Variants in CDKAL1 observed in about 807,000 individuals in gnomAD.
The protein encoded by CDKAL1 is CDKAL1 threonylcarbamoyladenosine tRNA methylthiotransferase.
In CDKAL1, 32 loss-of-function variants were observed where a neutral mutation model predicts 68.2. The observed-to-expected ratio is 0.47, with a 90% CI of 0.35 to 0.63. CDKAL1 has a LOEUF of 0.63. CDKAL1 is among the 30% of genes least tolerant of loss of function. The probability of loss-of-function intolerance (pLI) is 0.00; values close to 1 mark genes in which losing one functional copy is unlikely to be tolerated. For synonymous variants in CDKAL1, 234 were observed against 244.3 expected, an observed-to-expected ratio of 0.96 and a Z score of 0.39; for missense variants, 606 against 696.7, an observed-to-expected ratio of 0.87 and a Z score of 1.47.
At chr6:21,004,814 T>C (rs1482976898) in intron 11 of CDKAL1, among the ~76,000 whole-genome samples, 1 of 151,962 alleles carries the variant, frequency 6.6e-6, no homozygotes, top group Non-Finnish European at 1.5e-5. Flanking sequence ...ATAAAAAAAC[T>C]AGCTGAGCAT....
intron 5 of CDKAL1, among the ~76,000 whole-genome samples, chr6:20,736,477 T>A (rs544231980): frequency 6.6e-6 from 1 of 152,270 alleles, no homozygotes; most frequent in East Asian, 1.9e-4. Flanking sequence ...ATCATCTTTT[T>A]AAAAATCTTC....
At chr6:20,729,164 G>A (rs1164543599) in intron 5 of CDKAL1, among the ~76,000 whole-genome samples, 1 of 152,102 alleles carries the variant, frequency 6.6e-6, no homozygotes, top group Non-Finnish European at 1.5e-5. Flanking sequence ...CTAATGTTGG[G>A]GAACTCTTTG....
chr6:20,881,541 A>G (rs907874196), intron 9 of CDKAL1, among the ~76,000 whole-genome samples: 7 of 152,198 alleles, frequency 4.6e-5, no homozygotes, highest in African/African-American at 1.4e-4. Flanking sequence ...ACTTGGCTAT[A>G]TTTAACTAGG....
chr6:21,045,657 G>A (rs1369306378), intron 11 of CDKAL1, among the ~76,000 whole-genome samples: 1 of 152,178 alleles, frequency 6.6e-6, no homozygotes, highest in Non-Finnish European at 1.5e-5. Flanking sequence ...CATAAGTAAA[G>A]CACTAGGAGT....
At chr6:20,680,964 A>T (rs1770348366) in intron 5 of CDKAL1, among the ~76,000 whole-genome samples, 1 of 152,172 alleles carries the variant, frequency 6.6e-6, no homozygotes, top group African/African-American at 2.4e-5. Context: ...GGAAAATAAC[A>T]CTTATTGGCA....
chr6:20,946,984 T>C (rs1764269984), intron 9 of CDKAL1, among the ~76,000 whole-genome samples: 1 of 152,226 alleles, frequency 6.6e-6, no homozygotes, highest in Non-Finnish European at 1.5e-5. Flanking sequence ...CTTAGTTTAT[T>C]GTCTGTTTCA....
chr6:20,550,914 T>C (rs930586026), intron 4 of CDKAL1, among the ~76,000 whole-genome samples: 1 of 140,134 alleles, frequency 7.1e-6, no homozygotes, highest in Non-Finnish European at 1.5e-5. Context: ...TCTCCCAGGC[T>C]GGAGTGCAGT....
intron 9 of CDKAL1, 92 bp downstream of exon 9, chr6:20,846,270 T>C (rs1581690176): frequency 1.4e-6 from 1 of 701,686 alleles, no homozygotes; most frequent in East Asian, 2.8e-5. Context: ...ACCAACTTCT[T>C]TAGTTTTCTG....
intron 13 of CDKAL1, among the ~76,000 whole-genome samples, chr6:21,133,302 A>G (rs147584589): frequency 6.6e-6 from 1 of 152,312 alleles, no homozygotes; most frequent in East Asian, 1.9e-4. Context: ...TTATTAAAAT[A>G]ATTAAACAGC....
At chr6:20,750,995 G>A (rs1056131922) in intron 6 of CDKAL1, among the ~76,000 whole-genome samples, 15 of 129,382 alleles carry the variant, frequency 1.2e-4, no homozygotes, top group African/African-American at 3.7e-4. Flanking sequence ...AGAAGTAACA[G>A]TACTGTCTCC....
intron 2 of CDKAL1, among the ~76,000 whole-genome samples, chr6:20,542,920 T>C (rs1045730264): frequency 1.3e-5 from 2 of 152,274 alleles, no homozygotes; most frequent in African/African-American, 4.8e-5. Context: ...TCATACAGAA[T>C]GTAACCTTTT....
chr6:20,850,241 C>T (rs1758936750), intron 9 of CDKAL1, among the ~76,000 whole-genome samples: 1 of 152,028 alleles, frequency 6.6e-6, no homozygotes, highest in Non-Finnish European at 1.5e-5. Context: ...TAAAGCCACT[C>T]TGTGGATGGG....
At chr6:21,197,500 T>C (rs1442653269) in intron 13 of CDKAL1, among the ~76,000 whole-genome samples, 1 of 152,252 alleles carries the variant, frequency 6.6e-6, no homozygotes, top group Non-Finnish European at 1.5e-5. Context: ...CAGAATTGTA[T>C]GTAAGATATG....
intron 9 of CDKAL1, among the ~76,000 whole-genome samples, chr6:20,949,036 TC>T (rs1474002989): frequency 6.6e-6 from 1 of 152,250 alleles, no homozygotes; most frequent in Non-Finnish European, 1.5e-5. Flanking sequence ...ACACATTTTT[TC>T]TATAACCAGT....
intron 5 of CDKAL1, among the ~76,000 whole-genome samples, chr6:20,658,696 A>C (rs1769142600): frequency 1.3e-5 from 2 of 152,330 alleles, no homozygotes; most frequent in East Asian, 1.9e-4. Flanking sequence ...AGAATAGAGA[A>C]GTGGTTACCT....
intron 13 of CDKAL1, among the ~76,000 whole-genome samples, chr6:21,142,733 C>T (rs1306064205): frequency 6.6e-6 from 1 of 152,190 alleles, no homozygotes; most frequent in African/African-American, 2.4e-5. Context: ...TGTAATACTG[C>T]AGCCTTAAAG....
chr6:21,141,994 T>G (rs1775938248), intron 13 of CDKAL1, among the ~76,000 whole-genome samples: 1 of 152,148 alleles, frequency 6.6e-6, no homozygotes, highest in East Asian at 1.9e-4. Flanking sequence ...CTTTATCATA[T>G]CTTATAAATC....
chr6:21,088,288 C>T (rs1315091175), intron 12 of CDKAL1, among the ~76,000 whole-genome samples: 1 of 152,164 alleles, frequency 6.6e-6, no homozygotes, highest in Non-Finnish European at 1.5e-5. Flanking sequence ...GACCACTGCA[C>T]AATTAGTTCA....
intron 8 of CDKAL1, among the ~76,000 whole-genome samples, chr6:20,789,797 AT>A (rs1294121863): frequency 6.6e-6 from 1 of 152,234 alleles, no homozygotes; most frequent in African/African-American, 2.4e-5. Context: ...AGGTTAGTTC[AT>A]GGAGTGGATA....
Sources: gnomAD v4.1 joint callset for allele counts (sites outside exome capture counted in the v4.1 genomes callset) on GRCh38, gnomAD v4.1.1 for gene constraint, MANE v1.5 for transcripts, NCBI Gene and HGNC (gene_info 2026-07-23, HGNC 2026-07-21) for gene names.